The following CACNA1E variants were observed in gnomAD, a reference collection of about 807,000 sequenced individuals.
The protein encoded by CACNA1E is voltage-dependent R-type calcium channel subunit alpha-1E.
Under a neutral mutation model 259.2 loss-of-function variants are expected in CACNA1E, and 40 were observed. The observed-to-expected ratio is 0.15, with a 90% CI of 0.12 to 0.20. CACNA1E has a LOEUF of 0.20. Among genes scored for constraint, CACNA1E ranks in the 10% least tolerant of loss-of-function variants. The pLI, the probability that CACNA1E is intolerant of heterozygous loss-of-function variation, is 1.00. For synonymous variants in CACNA1E, 1,104 were observed against 1,138.5 expected (o/e 0.97, Z 0.61); for missense variants, 1,874 against 3,040.1 (o/e 0.62, Z 9.02).
At chr1:181,472,186 A>G (rs1024826914) in intron 2 of CACNA1E, among the ~76,000 whole-genome samples, 2 of 128,992 alleles carry the variant, frequency 1.6e-5, no homozygotes, top group African/African-American at 5.8e-5. Flanking sequence ...AGAATGAAAA[A>G]GGGAATGAAA....
rs114419772 is a variant in CACNA1E at position 181,443,155 on chromosome 1, C to T, written c.434+29575C>T. ...TTTTTATACTCAATTTCTTTCTCTG[C>T]AAACTATGGGAAAAAATCTCCACTT... is the stretch of plus-strand genomic sequence containing the variant. On this transcript the variant is annotated intron_variant, in intron 2 of 11. Transcript: ENST00000524607. Among the ~76,000 whole-genome samples, 293 of 152,302 alleles carry T rather than the reference C, an allele frequency of 1.9e-3. 2 individuals are homozygous for T. The highest frequency in any genetic ancestry group is 6.8e-3 in the African/African-American group (284 of 41,574).
intron 1 of CACNA1E, among the ~76,000 whole-genome samples, chr1:181,398,716 C>T (rs1380311957): frequency 1.3e-5 from 2 of 152,218 alleles, no homozygotes; most frequent in Non-Finnish European, 2.9e-5. Context: ...AACCTGGTCA[C>T]CTTTCACTAT....
Position 181,807,352 on chromosome 1 carries a change from TGGG to T in CACNA1E, c.*8522_*8524del, listed in dbSNP as rs1233235211. 2.0e-5 allele frequency: 3 copies of T among 151,908 alleles called. No homozygotes were observed. Among genetic ancestry groups the T allele is most frequent in the African/African-American group, 7.2e-5 (3 of 41,414 alleles). The allele number at this position is 151,908 out of a possible 1,614,324, so 9.4% of individuals were successfully genotyped here. A position where few individuals can be genotyped will look rare whatever the true frequency, so the allele number is the denominator to read the frequency against. Reference sequence around the variant, plus strand: ...ATGACCAGCCTCCTCTGAAAAAAGGTGGGGGGATTATAGGGCACCAGCTCAGCC... The same window carrying T: ...ATGACCAGCCTCCTCTGAAAAAAGGTGGGATTATAGGGCACCAGCTCAGCC... On this transcript the variant is annotated 3_prime_UTR_variant, in exon 48 of 48. Transcript: ENST00000367573.
intron 37 of CACNA1E, among the ~76,000 whole-genome samples, chr1:181,773,176 C>T (rs1168523515): frequency 6.6e-6 from 1 of 152,158 alleles, no homozygotes; most frequent in African/African-American, 2.4e-5. Context: ...TGCAAGTGAT[C>T]CCAAGGGGAC....
chr1:181,350,880 C>T (rs1012079960), intron 1 of CACNA1E, among the ~76,000 whole-genome samples: 7 of 152,182 alleles, frequency 4.6e-5, no homozygotes, highest in African/African-American at 9.6e-5. Flanking sequence ...GTGCTGAGGG[C>T]GCAGGGGTGA....
chr1:181,650,200 A>G (rs930394735), intron 6 of CACNA1E, among the ~76,000 whole-genome samples: 8 of 152,224 alleles, frequency 5.3e-5, no homozygotes, highest in African/African-American at 1.9e-4. Flanking sequence ...TTCAGAATTT[A>G]GTAGTGAGAG....
chr1:181,785,337 C>A lies in CACNA1E; in HGVS notation c.5598C>A (p.Gly1866=). The change falls in exon 42 of 48, where the codon GGC becomes GGA. Residue 1866 remains glycine, a synonymous_variant. Transcript: ENST00000367573. ...PMPKASDLTV[G]KIYAAMMIMD... ...TTCTAGCCTCTGACCTGACTGTGGG[C>A]AAAATCTATGCAGCAATGATGATCA... is the stretch of plus-strand genomic sequence containing the variant. The A allele has an allele frequency of 1.2e-6, 2 of 1,612,970 alleles. No homozygotes were observed. The highest frequency in any genetic ancestry group is 1.7e-6 in the Non-Finnish European group (2 of 1,179,102).
intron 42 of CACNA1E, 121 bp downstream of exon 42, chr1:181,785,539 G>C: frequency 1.1e-6 from 1 of 876,038 alleles, no homozygotes; most frequent in Non-Finnish European, 1.9e-6. Context: ...TAATGGGTGC[G>C]GGGCCCAAGA....
chr1:181,333,982 T>C (rs1158100355), intron 1 of CACNA1E, among the ~76,000 whole-genome samples: 1 of 152,246 alleles, frequency 6.6e-6, no homozygotes, highest in African/African-American at 2.4e-5. Context: ...TTAGTTGGAA[T>C]ACATTTATAA....
chr1:181,537,500 A>G (rs1385261719), intron 3 of CACNA1E, among the ~76,000 whole-genome samples: 1 of 152,096 alleles, frequency 6.6e-6, no homozygotes, highest in Non-Finnish European at 1.5e-5. Context: ...TTTTCTGTCC[A>G]GTGTGGTTAC....
intron 6 of CACNA1E, among the ~76,000 whole-genome samples, chr1:181,593,378 T>C (rs1158290889): frequency 6.6e-6 from 1 of 152,224 alleles, no homozygotes; most frequent in East Asian, 1.9e-4. Context: ...TCAGGTCCTG[T>C]GATCTTGGTT....
At chr1:181,752,809 C>T (rs368071493) in intron 27 of CACNA1E, among the ~76,000 whole-genome samples, 162 of 152,282 alleles carry the variant, frequency 1.1e-3, no homozygotes, top group African/African-American at 3.5e-3. Flanking sequence ...TTCCTATTGC[C>T]AGGACCTTTA....
chr1:181,592,161 T>G (rs1222079600), intron 6 of CACNA1E, among the ~76,000 whole-genome samples: 1 of 152,170 alleles, frequency 6.6e-6, no homozygotes, highest in Non-Finnish European at 1.5e-5. Flanking sequence ...CAGACCTAAA[T>G]GTTATTAGCA....
At chr1:181,450,794 C>T (rs551411507) in intron 2 of CACNA1E, among the ~76,000 whole-genome samples, 13 of 152,236 alleles carry the variant, frequency 8.5e-5, no homozygotes, top group South Asian at 8.3e-4. Context: ...ATACAGAGAA[C>T]GGCTTGGAGG....
Position 181,718,764 on chromosome 1 carries a change from A to C in CACNA1E, c.1638+597A>C, listed in dbSNP as rs180947518. ...AATGTATACATTGTGCTAACACTTC[A>C]AGGTGCTTTCACGTATCTTTTATTT... On this transcript the variant is annotated intron_variant, in intron 12 of 47. Transcript: ENST00000367573. 5.9e-5 allele frequency among the ~76,000 whole-genome samples: 9 copies of C among 152,136 alleles called. No homozygotes were observed. The East Asian group carries it at 1.7e-3, about 29-fold the overall frequency.
At chr1:181,583,038 A>AG (rs1651697206) in intron 6 of CACNA1E, among the ~76,000 whole-genome samples, 1 of 151,672 alleles carries the variant, frequency 6.6e-6, no homozygotes, top group Non-Finnish European at 1.5e-5. Flanking sequence ...ATTTAGGGCT[A>AG]GGGGGACTGT....
intron 6 of CACNA1E, among the ~76,000 whole-genome samples, chr1:181,602,381 G>T (rs1166400465): frequency 6.6e-6 from 1 of 152,108 alleles, no homozygotes; most frequent in Non-Finnish European, 1.5e-5. Context: ...TGGAATATTT[G>T]TATTATATTG....
intron 20 of CACNA1E, 120 bp from the exon 21 acceptor site, chr1:181,733,317 C>A: frequency 1.1e-6 from 1 of 887,028 alleles, no homozygotes; most frequent in Non-Finnish European, 1.7e-6. Flanking sequence ...GGGTGGAAGG[C>A]AGTGGTGGCC....
intron 1 of CACNA1E, among the ~76,000 whole-genome samples, chr1:181,503,360 GA>G (rs1375767053): frequency 2.0e-5 from 3 of 152,230 alleles, no homozygotes; most frequent in African/African-American, 4.8e-5. Flanking sequence ...CCTGGGGTGT[GA>G]TTAATATCCC....
Sources: gnomAD v4.1 joint callset for allele counts (sites outside exome capture counted in the v4.1 genomes callset) on GRCh38, gnomAD v4.1.1 for gene constraint, MANE v1.5 for transcripts, NCBI Gene and HGNC (gene_info 2026-07-23, HGNC 2026-07-21) for gene names.